The following UGGT2 variants were observed in gnomAD, a reference collection of about 807,000 sequenced individuals.
UGGT2 encodes the protein UDP-glucose:glycoprotein glucosyltransferase 2.
UGGT2 carries 180 observed loss-of-function variants against 192.1 expected under a neutral mutation model. That is an observed-to-expected ratio of 0.94 (90% confidence interval 0.83 to 1.06). UGGT2 has a LOEUF of 1.06. UGGT2 is among the 50% of genes least tolerant of loss of function. UGGT2 has a pLI of 0.00. For missense variants in UGGT2, 1,849 were observed against 1,795.7 expected (o/e 1.03, Z -0.54); for synonymous variants, 580 against 591.0 (o/e 0.98, Z 0.27).
At chr13:96,030,176 A>T (rs899218653) in intron 2 of UGGT2, among the ~76,000 whole-genome samples, 1 of 152,208 alleles carries the variant, frequency 6.6e-6, no homozygotes, top group Non-Finnish European at 1.5e-5. Context: ...CTCATCATTC[A>T]AACTCAGCTC....
rs765766983 is a variant in UGGT2, at chr13:95,999,323, T to C, written c.661-16A>G. 2.5e-6 allele frequency: 4 copies of C among 1,610,624 alleles called. No individual in the cohort carries two copies. Among genetic ancestry groups the C allele is most frequent in the Non-Finnish European group, 3.4e-6 (4 of 1,177,308 alleles). On this transcript the variant is annotated splice_polypyrimidine_tract_variant and intron_variant, in intron 5 of 38. Coordinates refer to ENST00000376747, the MANE Select transcript of UGGT2 (RefSeq NM_020121.4). ...AGCTTGGTTTCTGTTCAAACACATT[T>C]ATTTTATAAAAAGCGAAAAGAGTTA...
chr13:95,903,132 CCCAT>C, intron 20 of UGGT2, 72 bp from the exon 21 acceptor site: 1 of 1,448,266 alleles, frequency 6.9e-7, no homozygotes, highest in Middle Eastern at 2.5e-4. Context: ...TATTTTCTTT[CCCAT>C]CCAGTTTGTT....
At chr13:95,853,721 CCAGTGAGTGTCTA>C in intron 35 of UGGT2, 64 bp from the exon 36 acceptor site, 1 of 1,081,754 alleles carries the variant, frequency 9.2e-7, no homozygotes, top group South Asian at 1.6e-5. Flanking sequence ...TTACTTTCCT[CCAGTGAGTGTCTA>C]CAGTGACGGT....
At chr13:95,887,394 C>A in intron 26 of UGGT2, 1 of 457,668 alleles carries the variant, frequency 2.2e-6, no homozygotes, top group East Asian at 6.4e-5. Context: ...TTTGTCCCCT[C>A]TTGAGAGAGA....
rs953655471 is a variant in UGGT2 at position 96,049,441 on chromosome 13, C to T, written c.158+3714G>A. 5.9e-4 allele frequency among the ~76,000 whole-genome samples: 90 copies of T among 152,140 alleles called. 1 individual carries two copies. The highest frequency in any genetic ancestry group is 2.2e-4 in the Non-Finnish European group (15 of 68,030). ...CACAAGACAAGGATGCCCTCTCTCA[C>T]CACTCCTATTCAACACAGTGTTGGA... On this transcript the variant is annotated intron_variant, in intron 1 of 38. Coordinates refer to ENST00000376747, the MANE Select transcript of UGGT2 (RefSeq NM_020121.4).
intron 1 of UGGT2, among the ~76,000 whole-genome samples, chr13:96,049,569 T>C (rs1257735201): frequency 3.3e-5 from 5 of 152,152 alleles, no homozygotes; most frequent in Non-Finnish European, 5.9e-5. Context: ...TGATTGTATA[T>C]TTAGAAAACC....
chr13:96,013,235 T>C (rs1337877603), intron 5 of UGGT2, 72 bp downstream of exon 5: 1 of 1,391,102 alleles, frequency 7.2e-7, no homozygotes, highest in African/African-American at 1.5e-5. Flanking sequence ...TATTTAAATC[T>C]AGTAAGACGA....
intron 21 of UGGT2, among the ~76,000 whole-genome samples, chr13:95,902,522 A>ACC (rs149878771): frequency 6.0e-5 from 9 of 150,620 alleles, no homozygotes; most frequent in African/African-American, 2.2e-4. Context: ...CATCGTTGAA[A>ACC]CCCCCCCCAT....
intron 36 of UGGT2, among the ~76,000 whole-genome samples, chr13:95,847,101 A>AT (rs1888551597): frequency 6.9e-6 from 1 of 144,056 alleles, no homozygotes; most frequent in Non-Finnish European, 1.5e-5. Context: ...TCTAACCTTA[A>AT]TTATTCCTTT....
chr13:95,815,926 G>A (rs974835259), intron 38 of UGGT2, among the ~76,000 whole-genome samples: 3 of 152,184 alleles, frequency 2.0e-5, no homozygotes, highest in African/African-American at 7.2e-5. Context: ...TGCTCTTCTT[G>A]TGATAGTGAG....
chr13:95,937,004 T>C lies in UGGT2; in HGVS notation c.1897A>G (p.Met633Val), dbSNP rs1594380887. ...GCCATTTTTAGTTCTTTAATATTCATCTCTTCATGTTTAAAGGGTTCACCA... is the reference window on the plus strand; with the variant it reads ...GCCATTTTTAGTTCTTTAATATTCACCTCTTCATGTTTAAAGGGTTCACCA... The part of the protein sequence containing the change: ...YNGEPFKHEE[M>V]NIKELKMAVL... Residue 633 changes from methionine to valine, a missense_variant, in exon 17 of 39, where the codon ATG becomes GTG. Coordinates refer to ENST00000376747, the MANE Select transcript of UGGT2 (RefSeq NM_020121.4). The C allele has an allele frequency of 6.2e-7, 1 of 1,606,694 alleles. No individual in the cohort carries two copies. The highest frequency in any genetic ancestry group is 1.1e-5 in the South Asian group (1 of 89,280).
intron 17 of UGGT2, among the ~76,000 whole-genome samples, chr13:95,930,821 G>C (rs774612729): frequency 6.6e-6 from 1 of 152,112 alleles, no homozygotes; most frequent in African/African-American, 2.4e-5. Context: ...AGATGTGTTC[G>C]GGGTTTTCTC....
At chr13:95,973,282 G>C (rs1338624018) in intron 10 of UGGT2, among the ~76,000 whole-genome samples, 2 of 152,098 alleles carry the variant, frequency 1.3e-5, no homozygotes, top group Non-Finnish European at 2.9e-5. Flanking sequence ...GCCCAGCCCT[G>C]ATCTCAGTGA....
At position 95,936,933 on chromosome 13, in the gene UGGT2, T is replaced by C; in HGVS notation, c.1968A>G (p.Glu656=). The change falls in exon 17 of 39, where the codon GAA becomes GAG. Residue 656 remains glutamate (E), a synonymous_variant. Coordinates refer to ENST00000376747, the MANE Select transcript of UGGT2 (RefSeq NM_020121.4). The part of the protein sequence containing the change: ...MMDASVYLQR[E]VFLGTLNDRT... ...ATAAATGCTTACCTACCAAAAAAAC[T>C]TCTCTTTGTAAATATACAGATGCAT... 1.3e-6 allele frequency: 2 copies of C among 1,526,870 alleles called. No homozygotes were observed. The highest frequency in any genetic ancestry group is 2.4e-5 in the East Asian group (1 of 41,996). The allele number at this position is 1,526,870 out of a possible 1,614,324, so 94.6% of individuals were successfully genotyped here.
chr13:95,953,147 A>G (rs2050118025), intron 12 of UGGT2, among the ~76,000 whole-genome samples: 2 of 152,236 alleles, frequency 1.3e-5, no homozygotes, highest in Admixed American at 1.3e-4. Flanking sequence ...TGAAATTTCA[A>G]CACCAAAGCT....
chr13:96,044,899 G>A (rs889729209), intron 1 of UGGT2, among the ~76,000 whole-genome samples: 4 of 152,058 alleles, frequency 2.6e-5, no homozygotes, highest in Non-Finnish European at 5.9e-5. Flanking sequence ...CATATTCACA[G>A]CCAAATTCTA....
intron 10 of UGGT2, among the ~76,000 whole-genome samples, chr13:95,974,666 T>C (rs1400096794): frequency 6.6e-6 from 1 of 152,196 alleles, no homozygotes; most frequent in Admixed American, 6.5e-5. Context: ...CTAGTGTATA[T>C]TTGAGTATGT....
At chr13:95,975,023 G>C (rs1360941289) in intron 10 of UGGT2, among the ~76,000 whole-genome samples, 1 of 152,202 alleles carries the variant, frequency 6.6e-6, no homozygotes, top group Non-Finnish European at 1.5e-5. Flanking sequence ...GGAGGTTGCA[G>C]TGAGCTGAGA....
rs1056289747 is a variant in UGGT2 at position 95,946,943 on chromosome 13, T to A, written c.1677+94A>T. On this transcript the variant is annotated intron_variant, in intron 15 of 38. Transcript: ENST00000376747. Reference sequence around the variant, plus strand: ...ATAAACTTTGAAATGTTACAATAAATGTAATGCAAAAATTATACATTCTAA... The same window carrying A: ...ATAAACTTTGAAATGTTACAATAAAAGTAATGCAAAAATTATACATTCTAA... The A allele has an allele frequency of 4.7e-6, 6 of 1,277,654 alleles. No individual in the cohort carries two copies. In the East Asian group the frequency reaches 1.5e-4, roughly 32 times the overall value. The allele number at this position is 1,277,654 out of a possible 1,614,324, so 79.1% of individuals were successfully genotyped here.
Sources: allele counts gnomAD v4.1 joint callset (sites outside exome capture counted in the v4.1 genomes callset), GRCh38; gene constraint gnomAD v4.1.1; transcripts MANE v1.5; gene names NCBI Gene and HGNC (gene_info 2026-07-23, HGNC 2026-07-21).